The following MEIS2 variants were observed in gnomAD, a reference collection of about 807,000 sequenced individuals.
MEIS2 encodes the protein homeobox protein Meis2.
A neutral mutation model predicts 58.6 loss-of-function variants in MEIS2; 9 were observed. That is an observed-to-expected ratio of 0.15 (90% CI 0.09 to 0.27). The LOEUF (loss-of-function observed/expected upper bound fraction) is 0.27, where lower values mean the gene tolerates loss of function less well. Ranked by LOEUF, MEIS2 falls within the 10% of genes least tolerant of loss-of-function variation. The probability of loss-of-function intolerance (pLI) is 1.00; values close to 1 mark genes in which losing one functional copy is unlikely to be tolerated. For synonymous variants in MEIS2, 221 were observed against 228.4 expected, an observed-to-expected ratio of 0.97 and a Z score of 0.29; for missense variants, 427 against 635.0, an observed-to-expected ratio of 0.67 and a Z score of 3.52.
At chr15:37,097,828 C>T (rs957493676) in intron 2 of MEIS2, 139 bp downstream of exon 2, 6 of 1,319,326 alleles carry the variant, frequency 4.5e-6, no homozygotes, top group Non-Finnish European at 6.0e-6. Flanking sequence ...TCCACGGTCC[C>T]TTCCTAAGGC....
intron 9 of MEIS2, among the ~76,000 whole-genome samples, chr15:36,949,743 T>G (rs1351630617): frequency 6.6e-6 from 1 of 151,950 alleles, no homozygotes; most frequent in African/African-American, 2.4e-5. Flanking sequence ...CTCCTTTTCC[T>G]CAGTTACCCT....
upstream of MEIS2, chr15:37,101,217 GCCA>G (rs1244926227): frequency 6.6e-6 from 1 of 152,288 alleles, no homozygotes; most frequent in Non-Finnish European, 1.5e-5. Flanking sequence ...CGGACAAGGG[GCCA>G]CCCCGAGAGT....
chr15:36,918,242 G>A (rs748757586), intron 9 of MEIS2, among the ~76,000 whole-genome samples: 2 of 152,238 alleles, frequency 1.3e-5, no homozygotes, highest in African/African-American at 2.4e-5. Flanking sequence ...GAAAGAGGCA[G>A]CACAATTTAA....
At chr15:37,051,378 T>C (rs1333701618) in intron 7 of MEIS2, among the ~76,000 whole-genome samples, 2 of 152,178 alleles carry the variant, frequency 1.3e-5, no homozygotes, top group Admixed American at 6.5e-5. Flanking sequence ...ACATACTGTA[T>C]GATTTCAAAT....
At chr15:36,976,741 G>A (rs984199562) in intron 8 of MEIS2, among the ~76,000 whole-genome samples, 14 of 152,036 alleles carry the variant, frequency 9.2e-5, no homozygotes, top group Admixed American at 3.3e-4. Flanking sequence ...GATCAATGGA[G>A]ACATGCAATT....
At chr15:37,034,638 G>T in intron 8 of MEIS2, among the ~76,000 whole-genome samples, 1 of 152,178 alleles carries the variant, frequency 6.6e-6, no homozygotes, top group Non-Finnish European at 1.5e-5. Flanking sequence ...AAGGGCTCCT[G>T]ACACTCCCAT....
intron 9 of MEIS2, among the ~76,000 whole-genome samples, chr15:36,949,977 C>A (rs969780996): frequency 7.9e-5 from 12 of 151,790 alleles, no homozygotes; most frequent in African/African-American, 2.9e-4. Context: ...CAAAAACCCG[C>A]GGAGTGACTA....
At chr15:37,068,524 G>A (rs1472741471) in intron 7 of MEIS2, among the ~76,000 whole-genome samples, 1 of 152,172 alleles carries the variant, frequency 6.6e-6, no homozygotes, top group Non-Finnish European at 1.5e-5. Flanking sequence ...CAACCAATGT[G>A]TATTTATCAC....
At chr15:36,931,645 G>A (rs1263003511) in intron 9 of MEIS2, among the ~76,000 whole-genome samples, 1 of 152,142 alleles carries the variant, frequency 6.6e-6, no homozygotes, top group Non-Finnish European at 1.5e-5. Flanking sequence ...AAATGCATAT[G>A]GGGTTGGGCC....
chr15:36,982,731 T>C (rs2059967896), intron 8 of MEIS2, among the ~76,000 whole-genome samples: 1 of 152,190 alleles, frequency 6.6e-6, no homozygotes, highest in Non-Finnish European at 1.5e-5. Context: ...ACCTTCATAC[T>C]ATTTTCCATA....
At chr15:37,030,963 A>G (rs2061896456) in intron 8 of MEIS2, among the ~76,000 whole-genome samples, 1 of 152,152 alleles carries the variant, frequency 6.6e-6, no homozygotes, top group Non-Finnish European at 1.5e-5. Flanking sequence ...GTTTGGCAAA[A>G]CCTGGTCTCT....
At chr15:37,012,835 T>A (rs2141641124) in intron 8 of MEIS2, among the ~76,000 whole-genome samples, 1 of 152,274 alleles carries the variant, frequency 6.6e-6, no homozygotes, top group East Asian at 1.9e-4. Context: ...ATATGAAAGG[T>A]TAGAATAATA....
chr15:37,020,230 G>A (rs1489937072), intron 8 of MEIS2, among the ~76,000 whole-genome samples: 1 of 152,092 alleles, frequency 6.6e-6, no homozygotes, highest in East Asian at 1.9e-4. Flanking sequence ...GTCCTGAGGA[G>A]GGGTCAAGAG....
chr15:37,041,942 C>G (rs2062440026), intron 7 of MEIS2, among the ~76,000 whole-genome samples: 1 of 151,990 alleles, frequency 6.6e-6, no homozygotes, highest in Non-Finnish European at 1.5e-5. Flanking sequence ...TTTGAGAGGC[C>G]TGTTTGGGAG....
chr15:36,930,726 G>A (rs117257565), intron 9 of MEIS2, among the ~76,000 whole-genome samples: 7 of 152,244 alleles, frequency 4.6e-5, no homozygotes, highest in African/African-American at 1.2e-4. Context: ...ACAAGACTGG[G>A]ACACTAACTT....
intron 8 of MEIS2, among the ~76,000 whole-genome samples, chr15:36,959,113 G>C (rs191537481): frequency 6.6e-6 from 1 of 152,236 alleles, no homozygotes; most frequent in African/African-American, 2.4e-5. Flanking sequence ...GAGGTTGACG[G>C]AGGCAAAATG....
chr15:37,030,663 T>TTA (rs1567203174), intron 8 of MEIS2, among the ~76,000 whole-genome samples: 1 of 129,048 alleles, frequency 7.7e-6, no homozygotes, highest in Non-Finnish European at 1.8e-5. Context: ...TATTATTATT[T>TTA]TTTCTTTGAG....
chr15:36,895,327 G>T, intron 10 of MEIS2, 66 bp from the exon 11 acceptor site: 2 of 1,390,480 alleles, frequency 1.4e-6, no homozygotes, highest in Non-Finnish European at 2.0e-6. Context: ...ATCAGCAATT[G>T]TTCCCGCTGC....
chr15:37,034,600 TG>T (rs1278978821), intron 8 of MEIS2, among the ~76,000 whole-genome samples: 1 of 152,156 alleles, frequency 6.6e-6, no homozygotes, highest in Non-Finnish European at 1.5e-5. Flanking sequence ...GGTGCCGCCC[TG>T]GGCAGGGAGG....
Sources: gnomAD v4.1 joint callset for allele counts (sites outside exome capture counted in the v4.1 genomes callset) on GRCh38, gnomAD v4.1.1 for gene constraint, MANE v1.5 for transcripts, NCBI Gene and HGNC (gene_info 2026-07-23, HGNC 2026-07-21) for gene names.